ZNRF1: variants seen among roughly 807,000 people sequenced by gnomAD.
ZNRF1 encodes zinc and ring finger 1, also known as E3 ubiquitin-protein ligase ZNRF1.
Under a neutral mutation model 18.4 loss-of-function variants are expected in ZNRF1, and 3 were observed. The ratio of observed to expected loss-of-function variants is 0.16; its 90% confidence interval spans 0.07 to 0.42. The LOEUF (loss-of-function observed/expected upper bound fraction) is 0.42, where lower values mean the gene tolerates loss of function less well. Ranked by LOEUF, ZNRF1 falls within the 10% of genes least tolerant of loss-of-function variation. The pLI, the probability that ZNRF1 is intolerant of heterozygous loss-of-function variation, is 0.99. For missense variants in ZNRF1, 310 were observed against 329.8 expected, an observed-to-expected ratio of 0.94 and a Z score of 0.47; for synonymous variants, 157 against 144.2, an observed-to-expected ratio of 1.09 and a Z score of -0.64.
At position 75,005,665 on chromosome 16, in the gene ZNRF1, C is replaced by T. The variant is rs116523552; in HGVS notation, c.424+5570C>T. Among the ~76,000 whole-genome samples, 1,199 of 152,264 alleles carry T rather than the reference C, an allele frequency of 7.9e-3. 25 individuals carry two copies. The highest frequency in any genetic ancestry group is 0.027 in the African/African-American group (1,120 of 41,538). On this transcript the variant is annotated intron_variant, in intron 1 of 4. Coordinates refer to ENST00000335325, the MANE Select transcript of ZNRF1 (RefSeq NM_032268.5). ...GAACCCTATATCTACTATGTCTTTT[C>T]CTGTATATACATACCTTTGATAAAG...
Position 75,093,658 on chromosome 16 carries a change from T to C in ZNRF1, c.511T>C (p.Ser171Pro). The C allele has an allele frequency of 6.2e-7, 1 of 1,613,884 alleles. No individual in the cohort carries two copies. The highest frequency in any genetic ancestry group is 8.5e-7 in the Non-Finnish European group (1 of 1,179,776). Residue 171 changes from serine (S) to proline (P), a missense_variant, in exon 2 of 5, where the codon TCC becomes CCC. Ser to Pro is a moderately conservative substitution (Grantham distance 74). Around this residue, in one of 2 missense-constraint regions of ZNRF1, gnomAD observed 293 missense variants for 291.2 expected, o/e 1.01. Coordinates refer to ENST00000335325, the MANE Select transcript of ZNRF1 (RefSeq NM_032268.5). Reference sequence around the variant, plus strand: ...AATGTGTTTGAGCAAACCTCGCCTCTCCTACAACGGTAAGGGCTTGGCCTG... The same window carrying C: ...AATGTGTTTGAGCAAACCTCGCCTCCCCTACAACGGTAAGGGCTTGGCCTG... ...FIMCLSKPRL[S>P]YNDDVLTKDA...
chr16:75,090,882 A>G (rs2036129833), intron 1 of ZNRF1, among the ~76,000 whole-genome samples: 4 of 152,192 alleles, frequency 2.6e-5, no homozygotes, highest in Non-Finnish European at 4.4e-5. Flanking sequence ...CTTTTCATGC[A>G]GAGTTAGGCA....
chr16:75,082,993 A>G (rs1340328953), intron 1 of ZNRF1, among the ~76,000 whole-genome samples: 3 of 152,358 alleles, frequency 2.0e-5, no homozygotes, highest in East Asian at 1.9e-4. Flanking sequence ...GAGATGTGCT[A>G]TATAATCACA....
chr16:75,095,554 G>A, intron 2 of ZNRF1: 2 of 1,483,876 alleles, frequency 1.3e-6, no homozygotes, highest in Non-Finnish European at 9.0e-7. Context: ...CGTTTGTCCT[G>A]TGGGTTGCTA....
intron 1 of ZNRF1, among the ~76,000 whole-genome samples, chr16:75,035,238 T>C (rs1273016708): frequency 2.0e-5 from 3 of 152,132 alleles, no homozygotes; most frequent in Admixed American, 6.5e-5. Flanking sequence ...TTTGCCATGT[T>C]GCCTGGGCTG....
chr16:75,069,051 T>G (rs1280264143), intron 1 of ZNRF1, among the ~76,000 whole-genome samples: 1 of 151,964 alleles, frequency 6.6e-6, no homozygotes, highest in African/African-American at 2.4e-5. Context: ...AGAAAAATGG[T>G]ACTTTCTGCT....
Position 75,093,556 on chromosome 16 carries a change from TTCTCC to T in ZNRF1, c.425-11_425-7del, listed in dbSNP as rs1008989704. 6.2e-7 allele frequency: 1 copy of T among 1,605,090 alleles called. No individual in the cohort carries two copies. Among genetic ancestry groups the T allele is most frequent in the Non-Finnish European group, 8.5e-7 (1 of 1,172,016 alleles). On this transcript the variant is annotated splice_polypyrimidine_tract_variant and intron_variant, in intron 1 of 4. Coordinates refer to ENST00000335325, the MANE Select transcript of ZNRF1 (RefSeq NM_032268.5). ...GATCTGGAGAAAACATTTCATCCCA[TTCTCC>T]TCTCTTTCAGGTTTCAAGTGCCCCA... is the stretch of plus-strand genomic sequence containing the variant.
At chr16:75,048,142 G>GGC (rs2035540249) in intron 1 of ZNRF1, among the ~76,000 whole-genome samples, 2 of 151,976 alleles carry the variant, frequency 1.3e-5, no homozygotes, top group Admixed American at 6.6e-5. Flanking sequence ...GTAGAGATGG[G>GGC]GTTTTGCCCT....
rs1597883711 is a variant in ZNRF1 at position 75,054,672 on chromosome 16, G to T, written c.425-38900G>T. On this transcript the variant is annotated intron_variant, in intron 1 of 4. Coordinates refer to ENST00000335325, the MANE Select transcript of ZNRF1 (RefSeq NM_032268.5). Reference sequence around the variant, plus strand: ...AGCAATCAGGTAATACTGGCACTTTGTTCTCCCCTGGCTGTTTTCTCAAGC... The same window carrying T: ...AGCAATCAGGTAATACTGGCACTTTTTTCTCCCCTGGCTGTTTTCTCAAGC... Among the ~76,000 whole-genome samples the T allele has an allele frequency of 2.0e-5, 3 of 152,214 alleles. No individual in the cohort carries two copies. In the East Asian group the frequency reaches 5.8e-4, roughly 29 times the overall value.
chr16:75,104,910 AG>A, intron 3 of ZNRF1, 21 bp downstream of exon 3: 1 of 1,562,770 alleles, frequency 6.4e-7, no homozygotes, highest in Non-Finnish European at 8.7e-7. Context: ...TTGGCAAGGT[AG>A]CTTAGTGCAC....
At chr16:75,046,521 G>A (rs2035517583) in intron 1 of ZNRF1, among the ~76,000 whole-genome samples, 1 of 151,642 alleles carries the variant, frequency 6.6e-6, no homozygotes, top group Non-Finnish European at 1.5e-5. Flanking sequence ...AAAATGCTGA[G>A]ATTACAGGCG....
chr16:75,027,336 T>C (rs542787278), intron 1 of ZNRF1, among the ~76,000 whole-genome samples: 13 of 152,236 alleles, frequency 8.5e-5, no homozygotes, highest in Non-Finnish European at 1.6e-4. Context: ...GTTATTAAAT[T>C]GCAATCAGTT....
At chr16:75,059,115 G>A (rs1465787740) in intron 1 of ZNRF1, among the ~76,000 whole-genome samples, 1 of 152,092 alleles carries the variant, frequency 6.6e-6, no homozygotes, top group African/African-American at 2.4e-5. Flanking sequence ...TTTGAGAGTA[G>A]GTGTCAGGAC....
intron 1 of ZNRF1, among the ~76,000 whole-genome samples, chr16:75,025,104 G>T (rs1030580754): frequency 6.6e-6 from 1 of 152,070 alleles, no homozygotes; most frequent in South Asian, 2.1e-4. Context: ...GTTGCACTCT[G>T]TTGCCCAGGC....
chr16:75,082,155 T>G (rs2036020059), intron 1 of ZNRF1, among the ~76,000 whole-genome samples: 1 of 151,732 alleles, frequency 6.6e-6, no homozygotes, highest in East Asian at 2.0e-4. Flanking sequence ...GTGTTGGAAT[T>G]ACAAGTGTGA....
rs1041148430 is a variant in ZNRF1, at chr16:75,108,573, G to C, written c.*873G>C. 1 of 398,562 alleles carries C rather than the reference G, an allele frequency of 2.5e-6. No homozygotes were observed. Among genetic ancestry groups the C allele is most frequent in the African/African-American group, 2.1e-5 (1 of 48,562 alleles). The allele number at this position is 398,562 out of a possible 1,614,324, so 24.7% of individuals were successfully genotyped here. A position where few individuals can be genotyped will look rare whatever the true frequency, so the allele number is the denominator to read the frequency against. ...TCACACGTGGCATCAGCCCATGCAAGATAGGTTTCTGTATTTATATATTAA... is the reference window on the plus strand; with the variant it reads ...TCACACGTGGCATCAGCCCATGCAACATAGGTTTCTGTATTTATATATTAA... On this transcript the variant is annotated 3_prime_UTR_variant, in exon 5 of 5. Coordinates refer to ENST00000335325, the MANE Select transcript of ZNRF1 (RefSeq NM_032268.5).
At position 75,082,850 on chromosome 16, in the gene ZNRF1, G is replaced by A. The variant is rs532898027; in HGVS notation, c.425-10722G>A. 2.3e-4 allele frequency among the ~76,000 whole-genome samples: 35 copies of A among 152,278 alleles called. No homozygotes were observed. In the South Asian group the frequency reaches 5.6e-3, roughly 24 times the overall value. On this transcript the variant is annotated intron_variant, in intron 1 of 4. Coordinates refer to ENST00000335325, the MANE Select transcript of ZNRF1 (RefSeq NM_032268.5). ...ATTCGAGGCATGAGCCACTGCACCC[G>A]GCCAGGAATAAATTGATTGGGTCTA... is the stretch of plus-strand genomic sequence containing the variant.
chr16:75,078,199 A>G (rs2145408046), intron 1 of ZNRF1, among the ~76,000 whole-genome samples: 1 of 152,092 alleles, frequency 6.6e-6, no homozygotes, highest in East Asian at 1.9e-4. Context: ...TGGAGAAGTC[A>G]GCACTTGAAT....
Position 75,054,121 on chromosome 16 carries a change from C to T in ZNRF1, c.425-39451C>T, listed in dbSNP as rs547104812. ...AAGGACCCTTAGTTTCCTCTGGTTT[C>T]GTGGTTCCTGTGAAAAAGGCAGAAG... On this transcript the variant is annotated intron_variant, in intron 1 of 4. Transcript: ENST00000335325. 9.8e-5 allele frequency among the ~76,000 whole-genome samples: 15 copies of T among 152,336 alleles called. No homozygotes were observed. In the South Asian group the frequency reaches 2.3e-3, roughly 23 times the overall value.
Sources: allele counts gnomAD v4.1 joint callset (sites outside exome capture counted in the v4.1 genomes callset), GRCh38; gene constraint gnomAD v4.1.1; regional missense constraint gnomAD v4.1.1; transcripts MANE v1.5; gene names NCBI Gene and HGNC (gene_info 2026-07-23, HGNC 2026-07-21).